RAPGEF5: variants seen among roughly 807,000 people sequenced by gnomAD.
RAPGEF5 encodes Rap guanine nucleotide exchange factor 5.
A neutral mutation model predicts 125.2 loss-of-function variants in RAPGEF5; 65 were observed. The ratio of observed to expected loss-of-function variants is 0.52; its 90% CI spans 0.43 to 0.64. RAPGEF5 has a LOEUF of 0.64. Ranked by LOEUF, RAPGEF5 falls within the 30% of genes least tolerant of loss-of-function variation. The pLI is 0.00. For synonymous variants in RAPGEF5, 391 were observed against 385.9 expected (o/e 1.01, Z -0.16); for missense variants, 958 against 1,048.1 (o/e 0.91, Z 1.19).
intron 22 of RAPGEF5, 53 bp downstream of exon 22, chr7:22,136,880 T>A (rs1342217065): frequency 6.3e-6 from 9 of 1,429,452 alleles, no homozygotes; most frequent in Non-Finnish European, 7.7e-6. Flanking sequence ...AGAAAGAAAC[T>A]AGACCCTAGC....
chr7:22,245,338 C>T (rs531294448), intron 7 of RAPGEF5, among the ~76,000 whole-genome samples: 30 of 152,124 alleles, frequency 2.0e-4, no homozygotes, highest in South Asian at 8.3e-4. Flanking sequence ...TGTCTTTTTT[C>T]GCTTTTATTG....
intron 18 of RAPGEF5, 95 bp downstream of exon 18, chr7:22,150,312 A>G (rs1783583252): frequency 7.8e-7 from 1 of 1,275,110 alleles, no homozygotes. Context: ...AGCTCAAGCC[A>G]TCTTCCTGCC....
At chr7:22,220,782 A>G (rs540470971) in intron 8 of RAPGEF5, among the ~76,000 whole-genome samples, 1 of 152,312 alleles carries the variant, frequency 6.6e-6, no homozygotes, top group East Asian at 1.9e-4. Flanking sequence ...TCTTTCCAAA[A>G]TGGTTCATAC....
At chr7:22,233,873 G>A (rs946761811) in intron 7 of RAPGEF5, among the ~76,000 whole-genome samples, 1 of 152,018 alleles carries the variant, frequency 6.6e-6, no homozygotes, top group Non-Finnish European at 1.5e-5. Context: ...CCTCAAAATC[G>A]GTTGCCTAGC....
At chr7:22,159,980 A>G (rs143702391) in intron 14 of RAPGEF5, among the ~76,000 whole-genome samples, 2,694 of 152,106 alleles carry the variant, frequency 0.018, 52 homozygotes, top group East Asian at 0.089. Context: ...GTGGTGGTGC[A>G]CCTCTGTAAT....
chr7:22,133,930 T>C (rs150672415), intron 23 of RAPGEF5, among the ~76,000 whole-genome samples: 25 of 152,320 alleles, frequency 1.6e-4, no homozygotes, highest in African/African-American at 2.9e-4. Context: ...TGCAGGCTTA[T>C]TGGGAACTGA....
chr7:22,144,978 G>C, intron 20 of RAPGEF5, 66 bp downstream of exon 20: 1 of 1,503,510 alleles, frequency 6.7e-7, no homozygotes, highest in Non-Finnish European at 9.0e-7. Flanking sequence ...AAGAAAGAAA[G>C]AAAGAAGAAC....
At position 22,247,852 on chromosome 7, in the gene RAPGEF5, A is replaced by T. The variant is rs190082907; in HGVS notation, c.797-16933T>A. Among the ~76,000 whole-genome samples, 19 of 152,316 alleles carry T rather than the reference A, an allele frequency of 1.2e-4. No individual in the cohort carries two copies. In the East Asian group the frequency reaches 3.5e-3, roughly 28 times the overall value. ...TATGGTTGCAGCTGGAGGCCATTAT[A>T]CTACGTGAATTAACGCAGGAACAGA... On this transcript the variant is annotated intron_variant, in intron 7 of 25. Coordinates refer to ENST00000665637, the MANE Select transcript of RAPGEF5 (RefSeq NM_012294.5).
intron 7 of RAPGEF5, among the ~76,000 whole-genome samples, chr7:22,234,801 T>G (rs1351642225): frequency 3.3e-5 from 5 of 152,106 alleles, no homozygotes; most frequent in Non-Finnish European, 7.4e-5. Flanking sequence ...CAGGACTTAC[T>G]AGGATGGGTG....
chr7:22,351,444 T>C (rs1784326838), intron 1 of RAPGEF5, among the ~76,000 whole-genome samples: 1 of 152,160 alleles, frequency 6.6e-6, no homozygotes, highest in Non-Finnish European at 1.5e-5. Flanking sequence ...CTCAATGCAT[T>C]TGAGGAAAAC....
chr7:22,179,237 A>G (rs1784600247), intron 11 of RAPGEF5, among the ~76,000 whole-genome samples: 1 of 152,180 alleles, frequency 6.6e-6, no homozygotes, highest in South Asian at 2.1e-4. Context: ...TCTTCCAAGC[A>G]ATAATATATG....
intron 5 of RAPGEF5, among the ~76,000 whole-genome samples, chr7:22,301,605 A>T (rs1783205658): frequency 7.8e-6 from 1 of 128,772 alleles, no homozygotes; most frequent in Non-Finnish European, 1.6e-5. Context: ...GCAGAGTGAG[A>T]CTCTGTCTCA....
chr7:22,222,144 G>C (rs193062029), intron 8 of RAPGEF5, among the ~76,000 whole-genome samples: 235 of 152,230 alleles, frequency 1.5e-3, no homozygotes, highest in Non-Finnish European at 2.9e-3. Flanking sequence ...CTACTCAGAG[G>C]GCTGAGGCAG....
At chr7:22,213,262 G>A (rs907587451) in intron 9 of RAPGEF5, among the ~76,000 whole-genome samples, 1 of 152,196 alleles carries the variant, frequency 6.6e-6, no homozygotes, top group Non-Finnish European at 1.5e-5. Context: ...GACTTTCACT[G>A]GCAGTTAACT....
chr7:22,218,873 C>A (rs1785706405), intron 9 of RAPGEF5, among the ~76,000 whole-genome samples: 1 of 152,188 alleles, frequency 6.6e-6, no homozygotes, highest in South Asian at 2.1e-4. Flanking sequence ...GAGACACCAA[C>A]TGTTACAATT....
At chr7:22,290,616 G>A (rs1004219855) in intron 6 of RAPGEF5, among the ~76,000 whole-genome samples, 2 of 151,068 alleles carry the variant, frequency 1.3e-5, no homozygotes, top group African/African-American at 4.8e-5. Flanking sequence ...GTAGTGGCGG[G>A]CGCCTGTAGT....
chr7:22,292,190 C>T (rs1562512282), intron 5 of RAPGEF5, among the ~76,000 whole-genome samples: 1 of 152,208 alleles, frequency 6.6e-6, no homozygotes, highest in Non-Finnish European at 1.5e-5. Flanking sequence ...AGTGTGTCAG[C>T]TGCAACGCCA....
intron 24 of RAPGEF5, among the ~76,000 whole-genome samples, chr7:22,127,932 A>G (rs1402995369): frequency 6.6e-6 from 1 of 152,254 alleles, no homozygotes; most frequent in Non-Finnish European, 1.5e-5. Context: ...TTATTGCAGT[A>G]GCTCAAGCTG....
chr7:22,256,715 G>T (rs1786770393), intron 7 of RAPGEF5, among the ~76,000 whole-genome samples: 1 of 152,126 alleles, frequency 6.6e-6, no homozygotes, highest in African/African-American at 2.4e-5. Context: ...ATGATCTAAA[G>T]ATAATGAGAG....
Sources: gnomAD v4.1 joint callset for allele counts (sites outside exome capture counted in the v4.1 genomes callset) on GRCh38, gnomAD v4.1.1 for gene constraint, MANE v1.5 for transcripts, NCBI Gene and HGNC (gene_info 2026-07-23, HGNC 2026-07-21) for gene names.